The following CSPG4 variants were observed in gnomAD, a reference collection of about 807,000 sequenced individuals.
CSPG4 encodes the protein chondroitin sulfate proteoglycan 4 (melanoma-associated).
In CSPG4, 74 loss-of-function variants were observed where a neutral mutation model predicts 139.3. The ratio of observed to expected loss-of-function variants is 0.53; its 90% CI spans 0.44 to 0.64. The LOEUF is 0.64. CSPG4 is among the 30% of genes least tolerant of loss of function. The pLI, the probability that CSPG4 is intolerant of heterozygous loss-of-function variation, is 0.00. For missense variants in CSPG4, 2,565 were observed against 3,148.3 expected (o/e 0.81, Z 4.43); for synonymous variants, 1,234 against 1,394.2 (o/e 0.89, Z 2.56).
intron 1 of CSPG4, among the ~76,000 whole-genome samples, chr15:75,703,467 G>A (rs1894330648): frequency 6.6e-6 from 1 of 151,598 alleles, no homozygotes; most frequent in Non-Finnish European, 1.5e-5. Flanking sequence ...GAGGGAGGAA[G>A]CAGGCGTCTC....
At position 75,689,618 on chromosome 15, in the gene CSPG4, G is replaced by C; in HGVS notation, c.1447C>G (p.Leu483Val). Residue 483 changes from leucine to valine, a missense_variant, in exon 3 of 10, where the codon CTG becomes GTG. By Grantham distance (32) the Leu-to-Val change is conservative (BLOSUM62 1). Around this residue, in one of 5 missense-constraint regions of CSPG4, gnomAD observed 2,316 missense variants for 2,818.2 expected, o/e 0.82. Transcript: ENST00000308508. ...TRGARHGELELDIPGAQARKM... is the reference protein window; with the variant it reads ...TRGARHGELEVDIPGAQARKM... ...CGTGCCTGGGCTCCCGGGATGTCCA[G>C]CTCGAGCTCGCCATGGCGTGCCCCT... 1 of 1,612,882 alleles carries C rather than the reference G, an allele frequency of 6.2e-7. No homozygotes were observed. Among genetic ancestry groups the C allele is most frequent in the Non-Finnish European group, 8.5e-7 (1 of 1,179,864 alleles).
At chr15:75,705,324 C>T (rs1894356123) in intron 1 of CSPG4, among the ~76,000 whole-genome samples, 1 of 152,214 alleles carries the variant, frequency 6.6e-6, no homozygotes, top group Non-Finnish European at 1.5e-5. Context: ...TAGTCCCACA[C>T]AGACTCACGG....
At chr15:75,700,209 C>T (rs1236267794) in intron 1 of CSPG4, among the ~76,000 whole-genome samples, 2 of 152,312 alleles carry the variant, frequency 1.3e-5, no homozygotes, top group African/African-American at 4.8e-5. Context: ...ACCGTGTGTG[C>T]ACCCAGAGAG....
chr15:75,679,104 C>T (rs1596005878), intron 8 of CSPG4: 1 of 218,458 alleles, frequency 4.6e-6, no homozygotes, highest in Non-Finnish European at 9.2e-6. Flanking sequence ...GCTGAGACCC[C>T]CTTATTTGTA....
chr15:75,691,777 T>C (rs1323006938), intron 2 of CSPG4, among the ~76,000 whole-genome samples: 1 of 152,040 alleles, frequency 6.6e-6, no homozygotes, highest in Non-Finnish European at 1.5e-5. Flanking sequence ...TGGCAGAGTA[T>C]GGTAACTGCA....
At chr15:75,699,197 T>C (rs1894269688) in intron 1 of CSPG4, among the ~76,000 whole-genome samples, 1 of 152,172 alleles carries the variant, frequency 6.6e-6, no homozygotes, top group Non-Finnish European at 1.5e-5. Context: ...TTTATCCCAG[T>C]GGGGTGCTGG....
chr15:75,699,719 G>T (rs1246435041), intron 1 of CSPG4, among the ~76,000 whole-genome samples: 1 of 152,172 alleles, frequency 6.6e-6, no homozygotes, highest in Non-Finnish European at 1.5e-5. Context: ...GCTGGGCCGG[G>T]GGAGGAGGAA....
rs761112800 is a variant in CSPG4 at position 75,682,832 on chromosome 15, T to G, written c.4648+11A>C. ...GCAGCAGGAACCCGAGGCCCGGCCC[T>G]CAGCACCCACCTCTGTGTGAGAACA... On this transcript the variant is annotated intron_variant, in intron 6 of 9. Transcript: ENST00000308508. The G allele has an allele frequency of 1.1e-5, 17 of 1,606,890 alleles. No individual in the cohort carries two copies. The highest frequency in any genetic ancestry group is 1.4e-5 in the Non-Finnish European group (17 of 1,176,978).
In CSPG4 at chr15:75,676,163, T is replaced by A; in HGVS notation, c.6356A>T (p.Glu2119Val). 6.5e-7 allele frequency: 1 copy of A among 1,549,130 alleles called. No individual in the cohort carries two copies. The highest frequency in any genetic ancestry group is 8.7e-7 in the Non-Finnish European group (1 of 1,153,996). Residue 2119 changes from glutamate (E) to valine (V), a missense_variant, in exon 10 of 10, where the codon GAG becomes GTG. This residue lies in a region of CSPG4 where 2,316 missense variants were observed against 2,818.2 expected (regional missense o/e 0.82). Coordinates refer to ENST00000308508, the MANE Select transcript of CSPG4 (RefSeq NM_001897.5). ...CACCTCCAGCCCCAGCCTCCCGTCC[T>A]CAAGGTCCTGCTGAGTGAACTGCTC... Reference protein sequence around the residue: ...LVEQFTQQDLEDGRLGLEVGR... With the variant: ...LVEQFTQQDLVDGRLGLEVGR...
chr15:75,689,077 A>G lies in CSPG4; in HGVS notation c.1988T>C (p.Ile663Thr), dbSNP rs752031796. ...TLKVVAIRPA[I>T]QIHRSTGLRL... ...CAACCCTGTGCTGCGGTGGATCTGT[A>G]TGGCCGGCCGGATGGCCACCACCTT... The change falls in exon 3 of 10, where the codon ATA becomes ACA. Residue 663 changes from isoleucine (I) to threonine (T), a missense_variant. Physicochemically the swap from Ile to Thr is moderately conservative, Grantham distance 89 (BLOSUM62 -1). Transcript: ENST00000308508. 1 of 1,607,804 alleles carries G rather than the reference A, an allele frequency of 6.2e-7. No homozygotes were observed. Among genetic ancestry groups the G allele is most frequent in the Admixed American group, 1.7e-5 (1 of 59,902 alleles).
chr15:75,713,096 C>T (rs1596016003), upstream of CSPG4, among the ~76,000 whole-genome samples: 1 of 152,190 alleles, frequency 6.6e-6, no homozygotes, highest in African/African-American at 2.4e-5. Context: ...GAACTCTGGC[C>T]CCAAGAGCCG....
chr15:75,688,750 TTGC>T lies in CSPG4; in HGVS notation c.2312_2314del (p.Ser771del). The T allele has an allele frequency of 6.2e-7, 1 of 1,612,492 alleles. No individual in the cohort carries two copies. ...CTGGATGGTCACTGGGAAGGACAGA[TTGC>T]TCAGGATCTCCTGGCCCACCTGCAC... On this transcript the variant is annotated inframe_deletion, in exon 3 of 10. Coordinates refer to ENST00000308508, the MANE Select transcript of CSPG4 (RefSeq NM_001897.5).
chr15:75,706,593 A>C (rs955764293), intron 1 of CSPG4, among the ~76,000 whole-genome samples: 1 of 152,148 alleles, frequency 6.6e-6, no homozygotes, highest in Non-Finnish European at 1.5e-5. Flanking sequence ...GGGGCCATCC[A>C]GGTCATGGGT....
Position 75,689,790 on chromosome 15 carries a change from A to G in CSPG4, c.1275T>C (p.Phe425=). 6.2e-7 allele frequency: 1 copy of G among 1,612,638 alleles called. No homozygotes were observed. Among genetic ancestry groups the G allele is most frequent in the Non-Finnish European group, 8.5e-7 (1 of 1,179,658 alleles). The change falls in exon 3 of 10, where the codon TTT becomes TTC. Residue 425 remains phenylalanine (F), a synonymous_variant. Coordinates refer to ENST00000308508, the MANE Select transcript of CSPG4 (RefSeq NM_001897.5). ...TAGTCAGCAGCTGGGTGAAATTGGC[A>G]AAGACAGGAGGCAGCCCTGGCTCAG... The part of the protein sequence containing the change: ...CVPEPGLPPV[F]ANFTQLLTIS...
intron 5 of CSPG4, 60 bp from the exon 6 acceptor site, chr15:75,683,101 G>A (rs900917747): frequency 2.3e-4 from 355 of 1,521,466 alleles, no homozygotes; most frequent in East Asian, 3.3e-4. Flanking sequence ...CTTCCTCCCC[G>A]GCCCTGGGCT....
intron 5 of CSPG4, among the ~76,000 whole-genome samples, chr15:75,683,758 C>G (rs1386359351): frequency 6.6e-6 from 1 of 151,118 alleles, no homozygotes; most frequent in African/African-American, 2.4e-5. Flanking sequence ...CTCACATGCC[C>G]GGAAAACAGA....
At position 75,676,966 on chromosome 15, in the gene CSPG4, G is replaced by A; in HGVS notation, c.5553C>T (p.Ile1851=). Residue 1851 remains isoleucine, a synonymous_variant, in exon 10 of 10, where the codon ATC becomes ATT. Coordinates refer to ENST00000308508, the MANE Select transcript of CSPG4 (RefSeq NM_001897.5). ...LRLTRGSRAP[I]SRAQLSVVDP... ...CCACCACACTCAGCTGGGCCCGGGA[G>A]ATGGGGGCACGAGAGCCTCGGGTGA... The A allele has an allele frequency of 6.7e-7, 1 of 1,499,286 alleles. No homozygotes were observed. Among genetic ancestry groups the A allele is most frequent in the Non-Finnish European group, 8.9e-7 (1 of 1,119,438 alleles). The allele number at this position is 1,499,286 out of a possible 1,614,324, so 92.9% of individuals were successfully genotyped here.
chr15:75,685,339 C>T lies in CSPG4; in HGVS notation c.4152G>A (p.Gly1384=), dbSNP rs1204774038. Residue 1384 remains glycine (G), a synonymous_variant, in exon 4 of 10, where the codon GGG becomes GGA. Transcript: ENST00000308508. ...TLAPPLLRVS[G]PYFPTLLGLS... ...GGCCCAGGAGAGTGGGGAAGTAGGG[C>T]CCGGAGACACGGAGCAGTGGAGGGG... 1 of 1,607,934 alleles carries T rather than the reference C, an allele frequency of 6.2e-7. No individual in the cohort carries two copies. Among genetic ancestry groups the T allele is most frequent in the African/African-American group, 1.3e-5 (1 of 74,970 alleles).
Position 75,689,263 on chromosome 15 carries a change from AGG to A in CSPG4, c.1800_1801del (p.Leu601ProfsTer123). On this transcript the variant is annotated frameshift_variant, in exon 3 of 10. Transcript: ENST00000308508. LOFTEE classifies it high-confidence loss of function. Reference sequence around the variant, plus strand: ...AGGCTGGTCTCGGCGCTCCACGGGGAGGCCAGAGGAGGTGCCAAGGACCTGGA... The same window carrying A: ...AGGCTGGTCTCGGCGCTCCACGGGGACCAGAGGAGGTGCCAAGGACCTGGA... 1 of 1,610,568 alleles carries A rather than the reference AGG, an allele frequency of 6.2e-7. No homozygotes were observed. Among genetic ancestry groups the A allele is most frequent in the African/African-American group, 1.3e-5 (1 of 74,964 alleles).
Sources: gnomAD v4.1 joint callset for allele counts (sites outside exome capture counted in the v4.1 genomes callset) on GRCh38, gnomAD v4.1.1 for gene constraint, gnomAD v4.1.1 regional missense constraint, MANE v1.5 for transcripts, NCBI Gene and HGNC (gene_info 2026-07-23, HGNC 2026-07-21) for gene names.